Variants in FGFR2 observed in about 807,000 individuals in gnomAD.
FGFR2 encodes the protein fibroblast growth factor receptor 2.
FGFR2 carries 19 observed loss-of-function variants against 95.9 expected under a neutral mutation model. That is an observed-to-expected ratio of 0.20 (90% CI 0.14 to 0.29). The LOEUF (loss-of-function observed/expected upper bound fraction) is 0.29, where lower values mean the gene tolerates loss of function less well. FGFR2 is among the 10% of genes least tolerant of loss of function. FGFR2 has a pLI of 1.00. For missense variants in FGFR2, 707 were observed against 1,056.9 expected, an observed-to-expected ratio of 0.67 and a Z score of 4.59; for synonymous variants, 392 against 393.3, an observed-to-expected ratio of 1.00 and a Z score of 0.04.
At chr10:121,592,622 C>T (rs2162540) in intron 2 of FGFR2, among the ~76,000 whole-genome samples, 86,479 of 151,770 alleles carry the variant, frequency 0.57, 24,839 homozygotes, top group East Asian at 0.62. Flanking sequence ...CCTTCCTAAA[C>T]TGTCCTGATC....
At position 121,478,894 on chromosome 10, in the gene FGFR2, G is replaced by T. The variant is rs1844331674; in HGVS notation, c.*963C>A. On this transcript the variant is annotated 3_prime_UTR_variant, in exon 18 of 18. Coordinates refer to ENST00000358487, the MANE Select transcript of FGFR2 (RefSeq NM_000141.5). Reference sequence around the variant, plus strand: ...AATGGATTAAGGCATCTTTTAAGAGGACGCTGGTACCATTTATCTTGGGAA... The same window carrying T: ...AATGGATTAAGGCATCTTTTAAGAGTACGCTGGTACCATTTATCTTGGGAA... The T allele has an allele frequency of 4.3e-6, 1 of 233,466 alleles. No individual in the cohort carries two copies. Among genetic ancestry groups the T allele is most frequent in the Non-Finnish European group, 8.5e-6 (1 of 117,982 alleles). The allele number at this position is 233,466 out of a possible 1,614,324, so 14.5% of individuals were successfully genotyped here.
chr10:121,572,576 T>C (rs1160417318), intron 2 of FGFR2, among the ~76,000 whole-genome samples: 1 of 151,658 alleles, frequency 6.6e-6, no homozygotes, highest in Non-Finnish European at 1.5e-5. Context: ...GCCGAGACCA[T>C]GCCATTGCAC....
intron 9 of FGFR2, among the ~76,000 whole-genome samples, chr10:121,507,825 T>C (rs1013844603): frequency 6.6e-6 from 1 of 152,174 alleles, no homozygotes; most frequent in Non-Finnish European, 1.5e-5. Flanking sequence ...GTTTGGAGCC[T>C]AGGGTGGTTC....
At chr10:121,564,864 A>C (rs144943157) in intron 3 of FGFR2, among the ~76,000 whole-genome samples, 39 of 152,348 alleles carry the variant, frequency 2.6e-4, no homozygotes, top group African/African-American at 8.7e-4. Flanking sequence ...ACAGTATTCA[A>C]GCCCCTGACA....
At chr10:121,562,942 C>T (rs532019160) in intron 4 of FGFR2, among the ~76,000 whole-genome samples, 5 of 152,114 alleles carry the variant, frequency 3.3e-5, no homozygotes, top group East Asian at 1.9e-4. Context: ...TGAAACTGCT[C>T]GAAAAAATAA....
chr10:121,563,250 T>C (rs1223446003), intron 4 of FGFR2, among the ~76,000 whole-genome samples: 1 of 152,176 alleles, frequency 6.6e-6, no homozygotes, highest in Non-Finnish European at 1.5e-5. Context: ...GGCAGGCCCC[T>C]GTAGTCCTAG....
intron 9 of FGFR2, among the ~76,000 whole-genome samples, chr10:121,506,738 G>A (rs1848344708): frequency 1.3e-5 from 2 of 152,164 alleles, no homozygotes; most frequent in Admixed American, 1.3e-4. Flanking sequence ...TTTCTGGAAG[G>A]ATATATAAGA....
intron 6 of FGFR2, among the ~76,000 whole-genome samples, chr10:121,525,971 G>A (rs1851312294): frequency 1.3e-5 from 2 of 151,972 alleles, no homozygotes; most frequent in Non-Finnish European, 2.9e-5. Flanking sequence ...GGCAGTACTT[G>A]CCACAAAGAG....
rs777689544 is a variant in FGFR2, at chr10:121,523,918, G to A, written c.749-3749C>T. ...ATGCAGTACCAAACCATGATGCCCCGTGAACAATGAGTGCTTTCATCCCGC... is the reference window on the plus strand; with the variant it reads ...ATGCAGTACCAAACCATGATGCCCCATGAACAATGAGTGCTTTCATCCCGC... On this transcript the variant is annotated intron_variant, in intron 6 of 17. Coordinates refer to ENST00000358487, the MANE Select transcript of FGFR2 (RefSeq NM_000141.5). Among the ~76,000 whole-genome samples, 52 of 152,150 alleles carry A rather than the reference G, an allele frequency of 3.4e-4. 1 individual carries two copies. The highest frequency in any genetic ancestry group is 5.7e-4 in the Non-Finnish European group (39 of 68,038).
intron 5 of FGFR2, among the ~76,000 whole-genome samples, chr10:121,548,199 C>T (rs372338542): frequency 2.3e-4 from 34 of 147,250 alleles, no homozygotes; most frequent in African/African-American, 7.4e-4. Context: ...GAGAGGACCA[C>T]GCCAGCACAC....
At chr10:121,526,036 C>T (rs1464840636) in intron 6 of FGFR2, 8 of 395,460 alleles carry the variant, frequency 2.0e-5, no homozygotes, top group East Asian at 3.6e-5. Flanking sequence ...TCGAATCACA[C>T]GGAGTTCCCA....
At chr10:121,540,883 A>C (rs534024248) in intron 5 of FGFR2, among the ~76,000 whole-genome samples, 10 of 152,274 alleles carry the variant, frequency 6.6e-5, no homozygotes, top group African/African-American at 2.4e-4. Flanking sequence ...TGGCACATGG[A>C]GTATTCCAAA....
chr10:121,533,481 T>C (rs1302235762), intron 6 of FGFR2, among the ~76,000 whole-genome samples: 2 of 152,026 alleles, frequency 1.3e-5, no homozygotes, highest in South Asian at 2.1e-4. Flanking sequence ...CCCCAAAATA[T>C]CAAATGCCAG....
chr10:121,528,667 C>T (rs1463901371), intron 6 of FGFR2, among the ~76,000 whole-genome samples: 2 of 152,180 alleles, frequency 1.3e-5, no homozygotes, highest in Admixed American at 6.5e-5. Flanking sequence ...CAATAAATCC[C>T]ATTTGTTTTC....
intron 4 of FGFR2, among the ~76,000 whole-genome samples, chr10:121,557,398 T>C (rs1589978107): frequency 6.6e-6 from 1 of 152,122 alleles, no homozygotes; most frequent in African/African-American, 2.4e-5. Context: ...AGCCTTGACC[T>C]CCTGGGCTCA....
chr10:121,514,815 C>T (rs1376383861), intron 9 of FGFR2, among the ~76,000 whole-genome samples: 1 of 152,198 alleles, frequency 6.6e-6, no homozygotes, highest in East Asian at 1.9e-4. Flanking sequence ...GTACTTGAGT[C>T]TGATCAAACA....
At chr10:121,557,141 C>T (rs1282500854) in intron 4 of FGFR2, among the ~76,000 whole-genome samples, 1 of 152,170 alleles carries the variant, frequency 6.6e-6, no homozygotes, top group East Asian at 1.9e-4. Context: ...AGAACTGAGC[C>T]CACTAGCAGA....
chr10:121,577,598 C>CT (rs1860130079), intron 2 of FGFR2, among the ~76,000 whole-genome samples: 1 of 152,106 alleles, frequency 6.6e-6, no homozygotes, highest in Non-Finnish European at 1.5e-5. Context: ...TCAAGGAGGA[C>CT]TTCTCGCCTT....
In FGFR2 at chr10:121,479,260, C is replaced by A; in HGVS notation, c.*597G>T. On this transcript the variant is annotated 3_prime_UTR_variant, in exon 18 of 18. Transcript: ENST00000358487. ...AATTTATTAATAAATTAACGTTATA[C>A]CATTTTCCCTGAAAGCAAAAGTATT... The A allele has an allele frequency of 4.2e-6, 1 of 238,542 alleles. No homozygotes were observed. The highest frequency in any genetic ancestry group is 8.2e-6 in the Non-Finnish European group (1 of 122,080). The allele number at this position is 238,542 out of a possible 1,614,324, so 14.8% of individuals were successfully genotyped here. A position where few individuals can be genotyped will look rare whatever the true frequency, so the allele number is the denominator to read the frequency against.
Sources: allele counts gnomAD v4.1 joint callset (sites outside exome capture counted in the v4.1 genomes callset), GRCh38; gene constraint gnomAD v4.1.1; transcripts MANE v1.5; gene names NCBI Gene and HGNC (gene_info 2026-07-23, HGNC 2026-07-21).